SCD5: variants seen among roughly 807,000 people sequenced by gnomAD.
SCD5 encodes acyl-CoA-desaturase 4.
Under a neutral mutation model 30.4 loss-of-function variants are expected in SCD5, and 20 were observed. That is an observed-to-expected ratio of 0.66 (90% CI 0.46 to 0.96). SCD5 has a LOEUF of 0.96. Ranked by LOEUF, SCD5 falls within the 40% of genes least tolerant of loss-of-function variation. The pLI, the probability that SCD5 is intolerant of heterozygous loss-of-function variation, is 0.00. For missense variants in SCD5, 381 were observed against 443.3 expected (o/e 0.86, Z 1.26); for synonymous variants, 173 against 176.4 (o/e 0.98, Z 0.16).
chr4:82,705,642 C>T (rs1445701427), intron 1 of SCD5, among the ~76,000 whole-genome samples: 1 of 152,198 alleles, frequency 6.6e-6, no homozygotes, highest in African/African-American at 2.4e-5. Flanking sequence ...CTTTGAATAT[C>T]CTTCCCTACA....
chr4:82,672,791 T>C (rs891534237), intron 3 of SCD5, among the ~76,000 whole-genome samples: 6 of 152,226 alleles, frequency 3.9e-5, no homozygotes, highest in Admixed American at 2.6e-4. Context: ...GCTAAAAATC[T>C]TCAACAAAAT....
At chr4:82,774,555 T>G (rs1193715861) in intron 1 of SCD5, among the ~76,000 whole-genome samples, 1 of 152,218 alleles carries the variant, frequency 6.6e-6, no homozygotes, top group East Asian at 1.9e-4. Flanking sequence ...GAACAAGTAC[T>G]TCTTAATTTA....
intron 3 of SCD5, among the ~76,000 whole-genome samples, chr4:82,665,149 CATTTGAGCCAGAA>C (rs1402940260): frequency 1.4e-5 from 2 of 142,038 alleles, no homozygotes; most frequent in Non-Finnish European, 3.0e-5. Context: ...GCAGGAGGAT[CATTTGAGCCAGAA>C]GTTTGAGGCT....
At chr4:82,743,832 T>C (rs1720931067) in intron 1 of SCD5, among the ~76,000 whole-genome samples, 1 of 152,034 alleles carries the variant, frequency 6.6e-6, no homozygotes, top group Non-Finnish European at 1.5e-5. Context: ...AACTTCTTTG[T>C]TGTTGTTGTC....
chr4:82,675,702 G>C (rs924097711), intron 3 of SCD5, among the ~76,000 whole-genome samples: 16 of 152,320 alleles, frequency 1.1e-4, no homozygotes, highest in African/African-American at 3.6e-4. Flanking sequence ...AATAAGCAAA[G>C]CATTAGGAGA....
chr4:82,709,310 G>A (rs544271454), intron 1 of SCD5, among the ~76,000 whole-genome samples: 6 of 152,272 alleles, frequency 3.9e-5, no homozygotes, highest in Non-Finnish European at 7.4e-5. Context: ...AAACATGAGT[G>A]CCAGTTTATG....
At chr4:82,712,227 G>T (rs1414342414) in intron 1 of SCD5, among the ~76,000 whole-genome samples, 1 of 104,012 alleles carries the variant, frequency 9.6e-6, no homozygotes, top group African/African-American at 3.8e-5. Flanking sequence ...AATAGGTCTG[G>T]GGAGGGACCA....
At position 82,761,812 on chromosome 4, in the gene SCD5, T is replaced by C. The variant is rs146961133; in HGVS notation, c.232+36494A>G. Among the ~76,000 whole-genome samples, 702 of 151,682 alleles carry C rather than the reference T, an allele frequency of 4.6e-3. 2 individuals are homozygous for C. The highest frequency in any genetic ancestry group is 0.016 in the African/African-American group (672 of 41,342). On this transcript the variant is annotated intron_variant, in intron 1 of 4. Transcript: ENST00000319540. Reference sequence around the variant, plus strand: ...GATCTCATTGTTCAATTCCCACCTATGAGTGAGAATATAGCCCCAGCCTCG... The same window carrying C: ...GATCTCATTGTTCAATTCCCACCTACGAGTGAGAATATAGCCCCAGCCTCG...
At chr4:82,647,468 A>C (rs80008964) in intron 3 of SCD5, among the ~76,000 whole-genome samples, 5,791 of 152,344 alleles carry the variant, frequency 0.038, 149 homozygotes, top group South Asian at 0.092. Flanking sequence ...TGAATGGATT[A>C]GATGGGCTGA....
intron 1 of SCD5, among the ~76,000 whole-genome samples, chr4:82,711,137 A>G (rs1720075829): frequency 6.6e-6 from 1 of 152,152 alleles, no homozygotes; most frequent in South Asian, 2.1e-4. Flanking sequence ...GCACCGGCAC[A>G]TATTATTGCC....
intron 1 of SCD5, among the ~76,000 whole-genome samples, chr4:82,715,098 G>A (rs4631032): frequency 0.075 from 11,370 of 151,568 alleles, 592 homozygotes; most frequent in East Asian, 0.16. Context: ...TTAGCCGGGT[G>A]TGGTGGCACA....
chr4:82,701,205 CA>C (rs1418980488), intron 2 of SCD5, among the ~76,000 whole-genome samples: 2 of 151,900 alleles, frequency 1.3e-5, no homozygotes, highest in East Asian at 3.9e-4. Flanking sequence ...ATGTATATTG[CA>C]AATTCTAGGG....
rs1212083318 is a variant in SCD5, at chr4:82,728,599, C to T, written c.233-23186G>A. Among the ~76,000 whole-genome samples the T allele has an allele frequency of 3.9e-5, 6 of 152,128 alleles. No homozygotes were observed. The East Asian group carries it at 1.2e-3, about 29-fold the overall frequency. ...CCATTCAGACTCGCTACTCATGACT[C>T]AACTGATCCTGTGGCCCCACCCAGA... On this transcript the variant is annotated intron_variant, in intron 1 of 4. Coordinates refer to ENST00000319540, the MANE Select transcript of SCD5 (RefSeq NM_001037582.3).
intron 2 of SCD5, among the ~76,000 whole-genome samples, chr4:82,699,153 T>G (rs1197397782): frequency 1.3e-5 from 2 of 152,134 alleles, no homozygotes; most frequent in African/African-American, 4.8e-5. Context: ...CACCCTGCCA[T>G]CTATGGAAAA....
At chr4:82,702,317 G>A (rs544361047) in intron 2 of SCD5, among the ~76,000 whole-genome samples, 4 of 151,550 alleles carry the variant, frequency 2.6e-5, no homozygotes, top group South Asian at 2.1e-4. Context: ...GCTAATTTTC[G>A]TATTTTTAGT....
At chr4:82,795,118 C>T (rs1356946967) in intron 1 of SCD5, among the ~76,000 whole-genome samples, 3 of 152,188 alleles carry the variant, frequency 2.0e-5, no homozygotes, top group Non-Finnish European at 2.9e-5. Context: ...AATTTGATGG[C>T]TCTTTCACGG....
At chr4:82,757,153 C>T (rs1231000229) in intron 1 of SCD5, among the ~76,000 whole-genome samples, 1 of 152,180 alleles carries the variant, frequency 6.6e-6, no homozygotes, top group Non-Finnish European at 1.5e-5. Flanking sequence ...TTCAGTCTCT[C>T]CTCTCCCATC....
intron 1 of SCD5, among the ~76,000 whole-genome samples, chr4:82,785,007 T>G (rs572479150): frequency 3.1e-4 from 47 of 152,330 alleles, no homozygotes; most frequent in Admixed American, 7.2e-4. Context: ...CCCAGCTCTG[T>G]CTGTAGGGAA....
rs532400585 is a variant in SCD5 at position 82,760,109 on chromosome 4, A to G, written c.232+38197T>C. ...CCCTCAATCCAACCTATGCACAGCT[A>G]CCAGATTAAGCATCCTACAGCATTA... On this transcript the variant is annotated intron_variant, in intron 1 of 4. Transcript: ENST00000319540. Among the ~76,000 whole-genome samples the G allele has an allele frequency of 1.8e-4, 28 of 152,218 alleles. No individual in the cohort carries two copies. The South Asian group carries it at 4.4e-3, about 24-fold the overall frequency.
Sources: allele counts gnomAD v4.1 joint callset (sites outside exome capture counted in the v4.1 genomes callset), GRCh38; gene constraint gnomAD v4.1.1; transcripts MANE v1.5; gene names NCBI Gene and HGNC (gene_info 2026-07-23, HGNC 2026-07-21).